The following ADA2 variants were observed in gnomAD, a reference collection of about 807,000 sequenced individuals.
ADA2 encodes adenosine deaminase 2, also known as adenosine deaminase CECR1.
ADA2 carries 29 observed loss-of-function variants against 44.2 expected under a neutral mutation model. The ratio of observed to expected loss-of-function variants is 0.66; its 90% CI spans 0.49 to 0.89. ADA2 has a LOEUF of 0.89. Ranked by LOEUF, ADA2 falls within the 40% of genes least tolerant of loss-of-function variation. ADA2 has a pLI of 0.00. For missense variants in ADA2, 637 were observed against 644.8 expected (o/e 0.99, Z 0.13); for synonymous variants, 215 against 234.9 (o/e 0.92, Z 0.77).
intron 4 of ADA2, among the ~76,000 whole-genome samples, chr22:17,195,747 G>T (rs1398126341): frequency 2.7e-5 from 4 of 147,316 alleles, no homozygotes; most frequent in African/African-American, 1.0e-4. Flanking sequence ...TTTGTATTTA[G>T]AATAATTTCT....
At chr22:17,211,787 G>A (rs1242777611) in intron 1 of ADA2, among the ~76,000 whole-genome samples, 2 of 151,866 alleles carry the variant, frequency 1.3e-5, no homozygotes, top group Non-Finnish European at 2.9e-5. Flanking sequence ...AATTAGCTGG[G>A]CGTGGTGGCA....
intron 4 of ADA2, among the ~76,000 whole-genome samples, chr22:17,194,344 C>G (rs891652070): frequency 1.3e-5 from 2 of 152,210 alleles, no homozygotes; most frequent in Admixed American, 1.3e-4. Flanking sequence ...TCCCACCAGC[C>G]CCTTGCCTCA....
Position 17,189,870 on chromosome 22 carries a change from G to A in ADA2, c.972+72C>T, listed in dbSNP as rs551055293. ...CATTGCGCTCCCTTCCCAGGGAGTTGCCGCTCCACCCAGACAGGCATCCTC... is the reference window on the plus strand; with the variant it reads ...CATTGCGCTCCCTTCCCAGGGAGTTACCGCTCCACCCAGACAGGCATCCTC... On this transcript the variant is annotated intron_variant, in intron 6 of 9. Transcript: ENST00000399837. 1,001 of 1,113,534 alleles carry A rather than the reference G, an allele frequency of 9.0e-4. 4 individuals are homozygous for A. Among genetic ancestry groups the A allele is most frequent in the Non-Finnish European group, 4.1e-4 (304 of 732,962 alleles). The allele number at this position is 1,113,534 out of a possible 1,614,324, so 69.0% of individuals were successfully genotyped here. A position where few individuals can be genotyped will look rare whatever the true frequency, so the allele number is the denominator to read the frequency against.
chr22:17,182,974 A>T (rs984946933), intron 7 of ADA2, among the ~76,000 whole-genome samples: 9 of 152,240 alleles, frequency 5.9e-5, no homozygotes, highest in African/African-American at 2.2e-4. Flanking sequence ...TATTAAATTA[A>T]TCATCTAATT....
Position 17,182,752 on chromosome 22 carries a change from C to T in ADA2, c.1091G>A (p.Gly364Asp). The stretch of plus-strand genomic sequence containing the variant: ...CAGAATGTTCCTGTCTATGGAAGTA[C>T]CCTGCCAGTCTGAACACACGGGAAT... ...FFHAGETDWQ[G>D]TSIDRNILDA... The change falls in exon 8 of 10, where the codon GGT becomes GAT. Residue 364 changes from glycine to aspartate, a missense_variant. Physicochemically the swap from Gly to Asp is moderately conservative, Grantham distance 94. Coordinates refer to ENST00000399837, the MANE Select transcript of ADA2 (RefSeq NM_001282225.2). 2 of 1,613,156 alleles carry T rather than the reference C, an allele frequency of 1.2e-6. No individual in the cohort carries two copies. The highest frequency in any genetic ancestry group is 1.7e-6 in the Non-Finnish European group (2 of 1,179,902).
At chr22:17,217,240 G>T (rs996553462) in intron 1 of ADA2, among the ~76,000 whole-genome samples, 1 of 146,254 alleles carries the variant, frequency 6.8e-6, no homozygotes, top group African/African-American at 2.5e-5. Flanking sequence ...GAAGGAAAAA[G>T]AAAAAAAAAA....
chr22:17,194,911 T>A (rs1460116985), intron 4 of ADA2, among the ~76,000 whole-genome samples: 2 of 151,994 alleles, frequency 1.3e-5, no homozygotes, highest in Non-Finnish European at 2.9e-5. Context: ...TCTGCCTAAA[T>A]TTCCCTTTGT....
At chr22:17,197,092 G>C (rs2062200868) in intron 4 of ADA2, among the ~76,000 whole-genome samples, 1 of 152,120 alleles carries the variant, frequency 6.6e-6, no homozygotes, top group African/African-American at 2.4e-5. Context: ...AGAATCACTT[G>C]AACCCAGGAG....
intron 1 of ADA2, among the ~76,000 whole-genome samples, chr22:17,217,839 T>A (rs2062488036): frequency 6.6e-6 from 1 of 152,042 alleles, no homozygotes; most frequent in South Asian, 2.1e-4. Flanking sequence ...ATTTTTAAAA[T>A]GAAAATAAAA....
intron 4 of ADA2, among the ~76,000 whole-genome samples, chr22:17,201,922 C>G (rs1387200536): frequency 2.0e-5 from 3 of 151,052 alleles, no homozygotes; most frequent in Admixed American, 6.6e-5. Context: ...CCATTTCACT[C>G]TCTCCAAACT....
chr22:17,192,829 GAAA>G (rs35262317), intron 4 of ADA2: 17 of 304,322 alleles, frequency 5.6e-5, no homozygotes, highest in East Asian at 9.6e-5. Flanking sequence ...ACTCTGTCTC[GAAA>G]AAAAAAAAGG....
In ADA2 at chr22:17,182,757, C is replaced by A. The variant is rs1352224214; in HGVS notation, c.1086G>T (p.Trp362Cys). Residue 362 changes from tryptophan to cysteine, a missense_variant, in exon 8 of 10, where the codon TGG becomes TGT. Physicochemically the swap from Trp to Cys is radical, Grantham distance 215. Transcript: ENST00000399837. ...TGTTCCTGTCTATGGAAGTACCCTG[C>A]CAGTCTGAACACACGGGAATGGTCT... Reference protein sequence around the residue: ...PYFFHAGETDWQGTSIDRNIL... With the variant: ...PYFFHAGETDCQGTSIDRNIL... The A allele has an allele frequency of 8.1e-6, 13 of 1,612,962 alleles. No individual in the cohort carries two copies. The highest frequency in any genetic ancestry group is 1.1e-5 in the Non-Finnish European group (13 of 1,179,820).
At chr22:17,207,988 C>T (rs1232930193) in intron 2 of ADA2, among the ~76,000 whole-genome samples, 1 of 152,160 alleles carries the variant, frequency 6.6e-6, no homozygotes, top group Non-Finnish European at 1.5e-5. Flanking sequence ...TGCATGCTGT[C>T]CCTCTGCGCT....
chr22:17,211,196 T>C (rs1248786634), intron 1 of ADA2, among the ~76,000 whole-genome samples: 4 of 151,830 alleles, frequency 2.6e-5, no homozygotes, highest in Admixed American at 6.6e-5. Context: ...CCCGTCCTAC[T>C]AAAAATACAA....
At chr22:17,191,571 TG>T in intron 5 of ADA2, 111 bp downstream of exon 5, 1 of 1,211,538 alleles carries the variant, frequency 8.3e-7, no homozygotes, top group Non-Finnish European at 1.2e-6. Context: ...GCACCAGTGC[TG>T]GGCCTCTCCC....
In ADA2 at chr22:17,218,308, T is replaced by G. The variant is rs767592561; in HGVS notation, c.-47+1048A>C. 6.6e-5 allele frequency among the ~76,000 whole-genome samples: 10 copies of G among 152,334 alleles called. 1 individual carries two copies. The Middle Eastern group carries it at 0.014, about 207-fold the overall frequency. ...CCAAGATTCTTCCCAGCTCAGTTAT[T>G]CTGTAGTACATCAGATAGCAAAGAA... On this transcript the variant is annotated intron_variant, in intron 1 of 9. Coordinates refer to ENST00000399837, the MANE Select transcript of ADA2 (RefSeq NM_001282225.2).
chr22:17,191,823 C>T lies in ADA2; in HGVS notation c.754-13G>A, dbSNP rs1323873536. 6.2e-7 allele frequency: 1 copy of T among 1,608,892 alleles called. No individual in the cohort carries two copies. Among genetic ancestry groups the T allele is most frequent in the African/African-American group, 1.3e-5 (1 of 74,872 alleles). Reference sequence around the variant, plus strand: ...TGAGCTCATACACCTGGGAAGAAAGCACAACCAGGAGCCGTCAGGTGAGCA... The same window carrying T: ...TGAGCTCATACACCTGGGAAGAAAGTACAACCAGGAGCCGTCAGGTGAGCA... On this transcript the variant is annotated splice_polypyrimidine_tract_variant and intron_variant, in intron 4 of 9. Coordinates refer to ENST00000399837, the MANE Select transcript of ADA2 (RefSeq NM_001282225.2).
chr22:17,219,590 T>A (rs1230528466), upstream of ADA2: 1 of 150,366 alleles, frequency 6.7e-6, no homozygotes, highest in East Asian at 2.0e-4. Context: ...GAGTTTGATG[T>A]GGGGGGCTTG....
chr22:17,183,756 C>T (rs1157396901), intron 7 of ADA2, among the ~76,000 whole-genome samples: 2 of 151,956 alleles, frequency 1.3e-5, no homozygotes, highest in African/African-American at 2.4e-5. Flanking sequence ...GCCACCGCAC[C>T]GGGCTCTGGG....
Sources: allele counts gnomAD v4.1 joint callset (sites outside exome capture counted in the v4.1 genomes callset), GRCh38; gene constraint gnomAD v4.1.1; transcripts MANE v1.5; gene names NCBI Gene and HGNC (gene_info 2026-07-23, HGNC 2026-07-21).